PPIE: variants seen among roughly 807,000 people sequenced by gnomAD.
PPIE encodes peptidylprolyl isomerase E, also known as peptidyl-prolyl cis-trans isomerase E.
Under a neutral mutation model 38.4 loss-of-function variants are expected in PPIE, and 20 were observed. That is an observed-to-expected ratio of 0.52 (90% CI 0.37 to 0.76). PPIE has a LOEUF of 0.76. PPIE is among the 30% of genes least tolerant of loss of function. The probability of loss-of-function intolerance (pLI) is 0.00; values close to 1 mark genes in which losing one functional copy is unlikely to be tolerated. For synonymous variants in PPIE, 142 were observed against 135.7 expected (o/e 1.05, Z -0.32); for missense variants, 322 against 385.8 (o/e 0.83, Z 1.39).
chr1:39,756,645 C>T lies in PPIE; in HGVS notation c.*3290C>T. The T allele has an allele frequency of 1.0e-6, 1 of 980,556 alleles. No homozygotes were observed. The highest frequency in any genetic ancestry group is 1.2e-6 in the Non-Finnish European group (1 of 825,534). The allele number at this position is 980,556 out of a possible 1,614,324, so 60.7% of individuals were successfully genotyped here. ...ATGGGAAACTAAAGTAGAAAAAGCA[C>T]ATCACAAAGAAACATATATAGTACA... On this transcript the variant is annotated 3_prime_UTR_variant, in exon 10 of 10. Transcript: ENST00000324379.
intron 2 of PPIE, among the ~76,000 whole-genome samples, chr1:39,740,733 C>T (rs138429227): frequency 5.6e-4 from 86 of 152,326 alleles, no homozygotes; most frequent in Non-Finnish European, 9.1e-4. Context: ...GTTCAGTTTT[C>T]TGTTTACCTT....
rs1211113379 is a variant in PPIE, at chr1:39,748,927, A to T, written c.533A>T (p.His178Leu). Residue 178 changes from histidine to leucine, a missense_variant, in exon 8 of 10, where the codon CAT (histidine) becomes CTT (leucine). Coordinates refer to ENST00000324379, the MANE Select transcript of PPIE (RefSeq NM_006112.4). ...GAGAATTTCCGCTGCCTGTGCACTC[A>T]TGAAAAGGGCTTTGGCTTTAAGGGA... is the stretch of plus-strand genomic sequence containing the variant. The part of the protein sequence containing the change: ...TAENFRCLCT[H>L]EKGFGFKGSS... 2 of 1,614,022 alleles carry T rather than the reference A, an allele frequency of 1.2e-6. No individual in the cohort carries two copies. The highest frequency in any genetic ancestry group is 2.7e-5 in the African/African-American group (2 of 74,998).
intron 9 of PPIE, chr1:39,763,180 C>G: frequency 6.2e-7 from 1 of 1,613,510 alleles, no homozygotes; most frequent in Non-Finnish European, 8.5e-7. Flanking sequence ...GGCCGAGTAG[C>G]CTTGGGGAGC....
chr1:39,745,545 C>T, intron 7 of PPIE, 47 bp downstream of exon 7: 1 of 1,612,338 alleles, frequency 6.2e-7, no homozygotes, highest in Non-Finnish European at 8.5e-7. Flanking sequence ...GGTGGCTGAG[C>T]AGTGAGCCTT....
intron 8 of PPIE, 22 bp from the exon 9 acceptor site, chr1:39,752,888 T>G: frequency 6.2e-7 from 1 of 1,606,420 alleles, no homozygotes; most frequent in East Asian, 2.2e-5. Context: ...TTCGGGGAGC[T>G]GATGGTTGTT....
chr1:39,750,245 C>G (rs1647578124), intron 8 of PPIE, among the ~76,000 whole-genome samples: 1 of 152,156 alleles, frequency 6.6e-6, no homozygotes, highest in South Asian at 2.1e-4. Context: ...TTCTTGAAAA[C>G]ATGGTACAGA....
rs1487023534 is a variant in PPIE at position 39,762,593 on chromosome 1, A to G, written c.838-1096A>G. The stretch of plus-strand genomic sequence containing the variant: ...GATGGCCAAGAGAGAAACTGGGGGA[A>G]AAGCCAAAAGGTTGAGAGCCACACC... On this transcript the variant is annotated intron_variant, in intron 9 of 9. Coordinates refer to the PPIE transcript ENST00000356511. 10 of 1,550,282 alleles carry G rather than the reference A, an allele frequency of 6.5e-6. No homozygotes were observed. In the South Asian group the frequency reaches 1.1e-4, roughly 17 times the overall value.
chr1:39,751,075 C>T (rs2124356050), intron 8 of PPIE, among the ~76,000 whole-genome samples: 1 of 152,322 alleles, frequency 6.6e-6, no homozygotes, highest in African/African-American at 2.4e-5. Context: ...TCAAACGCAG[C>T]AGTTAGAAAT....
intron 7 of PPIE, 89 bp downstream of exon 7, chr1:39,745,587 C>A: frequency 1.3e-6 from 2 of 1,586,598 alleles, no homozygotes; most frequent in Admixed American, 1.7e-5. Context: ...CTTCTTGTGT[C>A]CTTGATATTG....
chr1:39,743,754 G>A, intron 5 of PPIE, 70 bp from the exon 6 acceptor site: 2 of 1,306,186 alleles, frequency 1.5e-6, no homozygotes, highest in South Asian at 1.2e-5. Context: ...CCACTTTGCT[G>A]ACCAAAGCAG....
intron 8 of PPIE, 66 bp downstream of exon 8, chr1:39,749,154 G>C: frequency 6.7e-7 from 1 of 1,486,632 alleles, no homozygotes; most frequent in South Asian, 1.3e-5. Flanking sequence ...AGGCAGGATG[G>C]AAGGACAGGT....
At chr1:39,761,620 TCCCACTCACTGCA>T (rs1294181761), downstream of PPIE, among the ~76,000 whole-genome samples, 1 of 151,810 alleles carries the variant, frequency 6.6e-6, no homozygotes, top group East Asian at 1.9e-4. Context: ...TCCGCCCTCC[TCCCACTCACTGCA>T]CCCAGCCCCT....
chr1:39,743,871 G>C lies in PPIE; in HGVS notation c.331G>C (p.Glu111Gln). ...WLKKFSGKTLEENKEEEGSEP... is the reference protein window; with the variant it reads ...WLKKFSGKTLQENKEEEGSEP... The stretch of plus-strand genomic sequence containing the variant: ...GAAGAAGTTTTCTGGGAAGACGCTT[G>C]AAGAGAATAAAGAGGAAGAAGGGTC... The change falls in exon 6 of 10, where the codon GAA (glutamate) becomes CAA (glutamine). Residue 111 changes from glutamate to glutamine, a missense_variant. Physicochemically the swap from Glu to Gln is conservative, Grantham distance 29. Transcript: ENST00000324379. The C allele has an allele frequency of 6.2e-7, 1 of 1,614,006 alleles. No homozygotes were observed. The highest frequency in any genetic ancestry group is 1.1e-5 in the South Asian group (1 of 91,078).
intron 9 of PPIE, 64 bp from the exon 10 acceptor site, chr1:39,753,223 G>A (rs2124368909): frequency 6.2e-7 from 1 of 1,601,862 alleles, no homozygotes; most frequent in South Asian, 1.1e-5. Context: ...GCAGGCAGGG[G>A]TTGGTATCCC....
intron 8 of PPIE, among the ~76,000 whole-genome samples, chr1:39,751,970 G>T (rs577362376): frequency 6.6e-6 from 1 of 152,240 alleles, no homozygotes; most frequent in East Asian, 1.9e-4. Context: ...AGGTGTGGTG[G>T]TGCACGCCTG....
In PPIE at chr1:39,743,148, T is replaced by C. The variant is rs1251389902; in HGVS notation, c.202-68T>C. 10 of 1,338,892 alleles carry C rather than the reference T, an allele frequency of 7.5e-6. No individual in the cohort carries two copies. The African/African-American group carries it at 1.0e-4, about 14-fold the overall frequency. 82.9% of individuals were successfully genotyped at this position (1,338,892 alleles called of 1,614,324 possible). A position where few individuals can be genotyped will look rare whatever the true frequency, so the allele number is the denominator to read the frequency against. ...AAATCATGAGTGTGTCTCAGAAGTA[T>C]ATGGAAAGCTGGCTGGCCCTCTTTT... On this transcript the variant is annotated intron_variant, in intron 4 of 9. Transcript: ENST00000324379.
downstream of PPIE, among the ~76,000 whole-genome samples, chr1:39,761,666 G>A (rs1649000949): frequency 6.6e-6 from 1 of 152,046 alleles, no homozygotes; most frequent in African/African-American, 2.4e-5. Context: ...CCCTGAACCT[G>A]CCAAGCTCAC....
Position 39,743,820 on chromosome 1 carries a change from T to C in PPIE, c.284-4T>C, listed in dbSNP as rs965390740. The stretch of plus-strand genomic sequence containing the variant: ...TGAACATTTGTTTGATTCTTTCCTT[T>C]CAGTTTGGTCAGATGATGACTGGTT... On this transcript the variant is annotated splice_region_variant and splice_polypyrimidine_tract_variant and intron_variant, in intron 5 of 9. Coordinates refer to ENST00000324379, the MANE Select transcript of PPIE (RefSeq NM_006112.4). The C allele has an allele frequency of 1.9e-6, 3 of 1,608,818 alleles. No individual in the cohort carries two copies. Among genetic ancestry groups the C allele is most frequent in the Non-Finnish European group, 2.6e-6 (3 of 1,175,838 alleles).
chr1:39,743,446 A>C, intron 5 of PPIE, 149 bp downstream of exon 5: 1 of 688,064 alleles, frequency 1.5e-6, no homozygotes, highest in Non-Finnish European at 2.5e-6. Flanking sequence ...AAGGGCATGC[A>C]CCACCTTTTT....
Sources: allele counts gnomAD v4.1 joint callset (sites outside exome capture counted in the v4.1 genomes callset), GRCh38; gene constraint gnomAD v4.1.1; transcripts MANE v1.5; gene names NCBI Gene and HGNC (gene_info 2026-07-23, HGNC 2026-07-21).